Variants in SLCO6A1 observed in about 807,000 individuals in gnomAD.
SLCO6A1 encodes the protein cancer/testis antigen 48.
In SLCO6A1, 65 loss-of-function variants were observed where a neutral mutation model predicts 72.7. The observed-to-expected ratio is 0.89, with a 90% CI of 0.73 to 1.10. SLCO6A1 has a LOEUF of 1.10. SLCO6A1 is among the 50% of genes least tolerant of loss of function. The pLI, the probability that SLCO6A1 is intolerant of heterozygous loss-of-function variation, is 0.00. For synonymous variants in SLCO6A1, 314 were observed against 298.2 expected, an observed-to-expected ratio of 1.05 and a Z score of -0.55; for missense variants, 874 against 872.6, an observed-to-expected ratio of 1.00 and a Z score of -0.02.
chr5:102,398,263 TCCGCC>T (rs1472807105), intron 10 of SLCO6A1, among the ~76,000 whole-genome samples: 3 of 152,022 alleles, frequency 2.0e-5, no homozygotes, highest in Non-Finnish European at 4.4e-5. Context: ...CATTGCAGCC[TCCGCC>T]CCGAGTTCAA....
rs1748069515 is a variant in SLCO6A1 at position 102,412,971 on chromosome 5, A to G, written c.1626+19T>C. 1 of 1,127,318 alleles carries G rather than the reference A, an allele frequency of 8.9e-7. No homozygotes were observed. The allele number at this position is 1,127,318 out of a possible 1,614,324, so 69.8% of individuals were successfully genotyped here. ...ATATAAATGTATAACAAAACATAAT[A>G]ATTATAAAAAATAATTACCTTTTTT... On this transcript the variant is annotated intron_variant, in intron 9 of 13. Transcript: ENST00000506729.
intron 10 of SLCO6A1, among the ~76,000 whole-genome samples, chr5:102,395,267 A>C (rs1413218067): frequency 3.4e-5 from 5 of 148,896 alleles, no homozygotes. Flanking sequence ...TTCAATTCCC[A>C]CCTATGAGTG....
chr5:102,422,359 G>A (rs1012705803), intron 7 of SLCO6A1, among the ~76,000 whole-genome samples: 10 of 152,102 alleles, frequency 6.6e-5, no homozygotes, highest in African/African-American at 2.2e-4. Flanking sequence ...CCCAATGCAA[G>A]GAAGCTAAAA....
At chr5:102,480,591 C>T (rs1199872031) in intron 1 of SLCO6A1, among the ~76,000 whole-genome samples, 157 bp from the exon 2 acceptor site, 1 of 152,108 alleles carries the variant, frequency 6.6e-6, no homozygotes, top group African/African-American at 2.4e-5. Context: ...TTTTCTAAAA[C>T]ATAAATAGGC....
At chr5:102,466,277 T>G (rs989710988) in intron 4 of SLCO6A1, among the ~76,000 whole-genome samples, 9 of 152,088 alleles carry the variant, frequency 5.9e-5, no homozygotes, top group Non-Finnish European at 1.0e-4. Context: ...ATATACGGTA[T>G]TTGGTTTTCT....
At chr5:102,491,783 A>G (rs1338185248) in intron 1 of SLCO6A1, among the ~76,000 whole-genome samples, 1 of 152,214 alleles carries the variant, frequency 6.6e-6, no homozygotes, top group African/African-American at 2.4e-5. Context: ...CCAGCCCAGA[A>G]AGGGGCTCCC....
intron 1 of SLCO6A1, among the ~76,000 whole-genome samples, chr5:102,488,520 C>T (rs1463244076): frequency 6.6e-6 from 1 of 152,170 alleles, no homozygotes; most frequent in Non-Finnish European, 1.5e-5. Context: ...TAATTCAATT[C>T]TCTCATTCTG....
chr5:102,486,673 T>C (rs1485358318), intron 1 of SLCO6A1, among the ~76,000 whole-genome samples: 1 of 152,154 alleles, frequency 6.6e-6, no homozygotes, highest in Non-Finnish European at 1.5e-5. Flanking sequence ...ATGTTAAATA[T>C]TATATTTTCT....
Position 102,413,142 on chromosome 5 carries a change from T to C in SLCO6A1, c.1474A>G (p.Thr492Ala). 6.4e-7 allele frequency: 1 copy of C among 1,560,820 alleles called. No homozygotes were observed. The highest frequency in any genetic ancestry group is 8.6e-7 in the Non-Finnish European group (1 of 1,162,210). Residue 492 changes from threonine to alanine, a missense_variant and splice_region_variant, in exon 9 of 14, where the codon ACA (threonine) becomes GCA (alanine). By Grantham distance (58) the Thr-to-Ala change is moderately conservative (BLOSUM62 0). Coordinates refer to ENST00000506729, the MANE Select transcript of SLCO6A1 (RefSeq NM_173488.5). ...GCCGTGAGGTTTCCCAACTTCCCTG[T>C]TCTGTAAAAACAAGATTGAATGTAA... ...FAGINEDYDGTGKLGNLTAPC... is the reference protein window; with the variant it reads ...FAGINEDYDGAGKLGNLTAPC...
intron 9 of SLCO6A1, among the ~76,000 whole-genome samples, chr5:102,410,916 A>G (rs1240684940): frequency 1.3e-5 from 2 of 152,212 alleles, no homozygotes; most frequent in Non-Finnish European, 2.9e-5. Context: ...TTCCACATCT[A>G]AATTAATGTG....
At position 102,388,831 on chromosome 5, in the gene SLCO6A1, A is replaced by G. The variant is rs1746573624; in HGVS notation, c.1880-6T>C. On this transcript the variant is annotated splice_polypyrimidine_tract_variant and splice_region_variant and intron_variant, in intron 11 of 13. Transcript: ENST00000506729. ...TGATGGTCCAGGAATAGTCCCTATG[A>G]AAAATGCAATGATTGTAAATTCTTT... 3 of 1,589,246 alleles carry G rather than the reference A, an allele frequency of 1.9e-6. No individual in the cohort carries two copies. The highest frequency in any genetic ancestry group is 2.6e-6 in the Non-Finnish European group (3 of 1,173,180).
Position 102,498,957 on chromosome 5 carries a change from C to CA in SLCO6A1, c.-114dup. On this transcript the variant is annotated 5_prime_UTR_variant, in exon 1 of 14. Coordinates refer to ENST00000506729, the MANE Select transcript of SLCO6A1 (RefSeq NM_173488.5). ...AGGGCGTCGGAGGACTCGGTGGCCA[C>CA]AAGGGGCTCTTGCCGCCCAAGCCTC... 9.8e-7 allele frequency: 1 copy of CA among 1,021,042 alleles called. No individual in the cohort carries two copies. The highest frequency in any genetic ancestry group is 1.4e-6 in the Non-Finnish European group (1 of 698,096). The allele number at this position is 1,021,042 out of a possible 1,614,324, so 63.2% of individuals were successfully genotyped here.
intron 10 of SLCO6A1, among the ~76,000 whole-genome samples, chr5:102,392,222 C>T (rs1746802774): frequency 1.3e-5 from 2 of 151,934 alleles, no homozygotes; most frequent in Non-Finnish European, 2.9e-5. Flanking sequence ...ATGTCTTCCT[C>T]ATATATTTAC....
At chr5:102,422,307 G>T (rs942444725) in intron 7 of SLCO6A1, among the ~76,000 whole-genome samples, 1 of 152,152 alleles carries the variant, frequency 6.6e-6, no homozygotes, top group African/African-American at 2.4e-5. Context: ...TTCAGAAGGT[G>T]GGTAATAACA....
intron 8 of SLCO6A1, among the ~76,000 whole-genome samples, chr5:102,417,420 C>CT (rs1748344663): frequency 6.6e-6 from 1 of 151,286 alleles, no homozygotes; most frequent in South Asian, 2.1e-4. Context: ...TCACTTTTTC[C>CT]TTTTTTTCTG....
chr5:102,409,208 C>G (rs2060834), intron 9 of SLCO6A1, among the ~76,000 whole-genome samples: 98,074 of 151,744 alleles, frequency 0.65, 31,847 homozygotes, highest in African/African-American at 0.66. Flanking sequence ...AGTTTTAGTA[C>G]AGCTGTACTT....
At chr5:102,397,811 C>A (rs921174036) in intron 10 of SLCO6A1, among the ~76,000 whole-genome samples, 1 of 152,216 alleles carries the variant, frequency 6.6e-6, no homozygotes, top group East Asian at 1.9e-4. Context: ...CACTTATATG[C>A]AATTTCAACT....
At chr5:102,398,582 C>T (rs924859562) in intron 10 of SLCO6A1, among the ~76,000 whole-genome samples, 1 of 152,166 alleles carries the variant, frequency 6.6e-6, no homozygotes, top group African/African-American at 2.4e-5. Flanking sequence ...CATCTGATCA[C>T]TTTCGCTCTT....
chr5:102,401,618 A>G (rs558173779), intron 9 of SLCO6A1, among the ~76,000 whole-genome samples: 16 of 152,206 alleles, frequency 1.1e-4, no homozygotes, highest in Admixed American at 4.6e-4. Flanking sequence ...GTTTGAAAGG[A>G]TTTGCTGAAG....
Sources: allele counts gnomAD v4.1 joint callset (sites outside exome capture counted in the v4.1 genomes callset), GRCh38; gene constraint gnomAD v4.1.1; transcripts MANE v1.5; gene names NCBI Gene and HGNC (gene_info 2026-07-23, HGNC 2026-07-21).